Variants in SOX5 observed in about 807,000 individuals in gnomAD.
The protein encoded by SOX5 is SRY-box transcription factor 5, also known as transcription factor SOX-5.
In SOX5, 9 loss-of-function variants were observed where a neutral mutation model predicts 92.0. The observed-to-expected ratio is 0.10, with a 90% CI of 0.06 to 0.17. The LOEUF is 0.17. Among genes scored for constraint, SOX5 ranks in the 10% least tolerant of loss-of-function variants. The pLI is 1.00. For synonymous variants in SOX5, 344 were observed against 336.3 expected (o/e 1.02, Z -0.25); for missense variants, 642 against 944.5 (o/e 0.68, Z 4.20).
At chr12:23,733,820 C>T (rs1259369926) in intron 6 of SOX5, among the ~76,000 whole-genome samples, 1 of 152,132 alleles carries the variant, frequency 6.6e-6, no homozygotes, top group Non-Finnish European at 1.5e-5. Flanking sequence ...TAGCATACTG[C>T]AAAGCTAACA....
intron 4 of SOX5, among the ~76,000 whole-genome samples, chr12:24,101,140 C>T (rs1339474600): frequency 6.6e-6 from 1 of 152,118 alleles, no homozygotes; most frequent in East Asian, 1.9e-4. Context: ...GTCTACTGCT[C>T]TCAGAAGGAA....
intron 3 of SOX5, among the ~76,000 whole-genome samples, chr12:23,797,541 A>G (rs1049353978): frequency 1.3e-5 from 2 of 151,996 alleles, no homozygotes; most frequent in East Asian, 3.9e-4. Flanking sequence ...AAAAATCCAT[A>G]TCCTTAGAGT....
chr12:23,950,186 T>C (rs996795640), upstream of SOX5, among the ~76,000 whole-genome samples: 6 of 152,026 alleles, frequency 3.9e-5, no homozygotes, highest in African/African-American at 1.4e-4. Context: ...ATGTTAGTAA[T>C]AGCATTTTTA....
At chr12:24,424,866 C>CA (rs1028361671) in intron 1 of SOX5, among the ~76,000 whole-genome samples, 3 of 140,514 alleles carry the variant, frequency 2.1e-5, no homozygotes, top group Non-Finnish European at 1.5e-5. Flanking sequence ...CACACACATA[C>CA]AAAAAAATCC....
chr12:23,664,656 T>C (rs994358223), intron 7 of SOX5, among the ~76,000 whole-genome samples: 1 of 152,126 alleles, frequency 6.6e-6, no homozygotes, highest in East Asian at 1.9e-4. Context: ...GAAAAAGGCA[T>C]GAAATCACAG....
At chr12:24,102,529 A>G (rs562679837) in intron 4 of SOX5, among the ~76,000 whole-genome samples, 20 of 152,220 alleles carry the variant, frequency 1.3e-4, no homozygotes, top group Non-Finnish European at 4.4e-5. Context: ...AAATGTTAAG[A>G]TGGTATATTC....
At chr12:24,083,660 G>A (rs1028944092) in intron 4 of SOX5, among the ~76,000 whole-genome samples, 8 of 152,020 alleles carry the variant, frequency 5.3e-5, no homozygotes, top group African/African-American at 1.9e-4. Flanking sequence ...GAAAAGCATC[G>A]TGCTAAATTT....
intron 3 of SOX5, among the ~76,000 whole-genome samples, chr12:24,236,653 T>A (rs1964567874): frequency 1.3e-5 from 2 of 152,220 alleles, no homozygotes; most frequent in Admixed American, 1.3e-4. Flanking sequence ...GGAAAGATTA[T>A]AAGCAAGAAG....
intron 1 of SOX5, among the ~76,000 whole-genome samples, chr12:24,384,070 C>A (rs1958111610): frequency 6.6e-6 from 1 of 152,172 alleles, no homozygotes; most frequent in Non-Finnish European, 1.5e-5. Flanking sequence ...TCTTCCTCTA[C>A]CGCCATTATT....
chr12:23,789,742 T>C (rs2095438708), intron 3 of SOX5, among the ~76,000 whole-genome samples: 2 of 152,088 alleles, frequency 1.3e-5, no homozygotes, highest in Non-Finnish European at 2.9e-5. Context: ...AAAAAGGTAA[T>C]AGAACACAAA....
intron 7 of SOX5, among the ~76,000 whole-genome samples, chr12:23,657,741 G>A (rs1190320255): frequency 6.6e-6 from 1 of 152,186 alleles, no homozygotes; most frequent in African/African-American, 2.4e-5. Flanking sequence ...AAACTCATAT[G>A]GTAATTCCAT....
intron 1 of SOX5, among the ~76,000 whole-genome samples, chr12:24,523,877 G>T (rs1021688989): frequency 2.6e-5 from 4 of 152,132 alleles, no homozygotes; most frequent in Non-Finnish European, 5.9e-5. Flanking sequence ...GACCACAAAA[G>T]GTAAAATAGA....
At chr12:23,811,626 G>A (rs988126524) in intron 3 of SOX5, among the ~76,000 whole-genome samples, 2 of 152,032 alleles carry the variant, frequency 1.3e-5, no homozygotes, top group African/African-American at 4.8e-5. Context: ...CATAAACTAT[G>A]TTGAGAGGCA....
intron 3 of SOX5, chr12:24,227,324 C>T (rs930513297): frequency 5.9e-5 from 9 of 152,296 alleles, no homozygotes; most frequent in African/African-American, 1.7e-4. Context: ...AAATGAAGAA[C>T]GTCTGTGTTC....
intron 1 of SOX5, among the ~76,000 whole-genome samples, chr12:24,456,916 A>T (rs1245337658): frequency 6.6e-6 from 1 of 152,232 alleles, no homozygotes; most frequent in Non-Finnish European, 1.5e-5. Context: ...ACTTTGAAAG[A>T]TCAGTAAACC....
Position 23,618,606 on chromosome 12 carries a change from C to T in SOX5, c.1018-14073G>A, listed in dbSNP as rs76794062. On this transcript the variant is annotated intron_variant, in intron 8 of 14. Coordinates refer to ENST00000451604, the MANE Select transcript of SOX5 (RefSeq NM_006940.6). ...AGAACCACGATTTTCTCCATGACTA[C>T]GATATGTTAATCATTTTGCTAGAAG... 1.2e-3 allele frequency among the ~76,000 whole-genome samples: 176 copies of T among 152,226 alleles called. 4 individuals are homozygous for T. The East Asian group carries it at 0.03, about 26-fold the overall frequency.
At chr12:24,081,898 C>T (rs1483843038) in intron 4 of SOX5, among the ~76,000 whole-genome samples, 3 of 151,972 alleles carry the variant, frequency 2.0e-5, no homozygotes, top group African/African-American at 7.2e-5. Context: ...ATGGAAAAAG[C>T]CTCCAGCACC....
chr12:23,700,935 A>G (rs2090541823), intron 6 of SOX5, among the ~76,000 whole-genome samples: 1 of 151,672 alleles, frequency 6.6e-6, no homozygotes, highest in Non-Finnish European at 1.5e-5. Flanking sequence ...ATATACATAT[A>G]TACATGTATA....
intron 4 of SOX5, among the ~76,000 whole-genome samples, chr12:23,958,961 T>C (rs1946585619): frequency 6.6e-6 from 1 of 151,808 alleles, no homozygotes; most frequent in Admixed American, 6.6e-5. Context: ...CCCATTAGCA[T>C]TGGTAACATA....
Sources: gnomAD v4.1 joint callset for allele counts (sites outside exome capture counted in the v4.1 genomes callset) on GRCh38, gnomAD v4.1.1 for gene constraint, MANE v1.5 for transcripts, NCBI Gene and HGNC (gene_info 2026-07-23, HGNC 2026-07-21) for gene names.